NPAS3: variants seen among roughly 807,000 people sequenced by gnomAD.
NPAS3 encodes neuronal PAS domain protein 3, also known as neuronal PAS domain-containing protein 3.
Under a neutral mutation model 73.1 loss-of-function variants are expected in NPAS3, and 14 were observed. The ratio of observed to expected loss-of-function variants is 0.19; its 90% CI spans 0.13 to 0.30. NPAS3 has a LOEUF of 0.30. Among genes scored for constraint, NPAS3 ranks in the 10% least tolerant of loss-of-function variants. The pLI, the probability that NPAS3 is intolerant of heterozygous loss-of-function variation, is 1.00. For synonymous variants in NPAS3, 620 were observed against 541.5 expected (o/e 1.14, Z -2.01); for missense variants, 1,096 against 1,250.0 (o/e 0.88, Z 1.86).
chr14:33,675,217 T>C (rs1254032980), intron 5 of NPAS3, among the ~76,000 whole-genome samples: 1 of 152,136 alleles, frequency 6.6e-6, no homozygotes, highest in African/African-American at 2.4e-5. Flanking sequence ...TATCTCTCCC[T>C]GTTGTATGTG....
chr14:33,409,259 T>A (rs1005022077), intron 4 of NPAS3, among the ~76,000 whole-genome samples: 7 of 152,076 alleles, frequency 4.6e-5, no homozygotes, highest in African/African-American at 9.7e-5. Flanking sequence ...TGATTAGAGG[T>A]GCAGAAATAT....
At chr14:33,180,800 AAG>A (rs200356926) in intron 2 of NPAS3, among the ~76,000 whole-genome samples, 16,833 of 39,990 alleles carry the variant, frequency 0.42, 2,362 homozygotes, top group South Asian at 0.57. Flanking sequence ...CACTGTCTCC[AAG>A]AAAAAAAAAA....
chr14:32,986,827 T>G (rs1240147410), intron 1 of NPAS3, among the ~76,000 whole-genome samples: 3 of 152,210 alleles, frequency 2.0e-5, no homozygotes, highest in Non-Finnish European at 4.4e-5. Flanking sequence ...CTTTATTTTT[T>G]TTAAGGTGGA....
Position 33,653,665 on chromosome 14 carries a change from G to A in NPAS3, c.559-22546G>A, listed in dbSNP as rs74909783. On this transcript the variant is annotated intron_variant, in intron 5 of 11. Transcript: ENST00000356141. ...AGTTTTGAATTCAGTTCAGAGGGTC[G>A]TTGACACTGCCAAGGACTCACAATC... is the stretch of plus-strand genomic sequence containing the variant. Among the ~76,000 whole-genome samples the A allele has an allele frequency of 4.9e-3, 751 of 152,302 alleles. 5 individuals carry two copies. The highest frequency in any genetic ancestry group is 0.017 in the African/African-American group (713 of 41,572).
rs77463823 is a variant in NPAS3 at position 33,234,566 on chromosome 14, T to C, written c.385+19140T>C. Among the ~76,000 whole-genome samples the C allele has an allele frequency of 7.4e-3, 1,133 of 152,246 alleles. 8 individuals carry two copies. The highest frequency in any genetic ancestry group is 0.026 in the African/African-American group (1,082 of 41,554). On this transcript the variant is annotated intron_variant, in intron 3 of 11. Coordinates refer to ENST00000356141, the Ensembl canonical transcript of NPAS3. ...TCGTTAAGTCTGGCCAGTTCAGTTATATGAAACTAGAAATGAAATTAGAGA... is the reference window on the plus strand; with the variant it reads ...TCGTTAAGTCTGGCCAGTTCAGTTACATGAAACTAGAAATGAAATTAGAGA...
chr14:33,443,881 T>C (rs2049363849), intron 4 of NPAS3, among the ~76,000 whole-genome samples: 1 of 152,126 alleles, frequency 6.6e-6, no homozygotes, highest in African/African-American at 2.4e-5. Flanking sequence ...GTGTCAAGGG[T>C]GACTGAGACC....
chr14:33,520,663 T>C (rs1214064668), intron 4 of NPAS3, among the ~76,000 whole-genome samples: 1 of 152,114 alleles, frequency 6.6e-6, no homozygotes, highest in African/African-American at 2.4e-5. Context: ...TTTTCAGGAA[T>C]AAAAACAACA....
chr14:33,746,535 A>G (rs1188588245), intron 7 of NPAS3, among the ~76,000 whole-genome samples: 1 of 151,258 alleles, frequency 6.6e-6, no homozygotes, highest in Non-Finnish European at 1.5e-5. Context: ...TTATTAATAA[A>G]CTTATAGTTA....
intron 7 of NPAS3, among the ~76,000 whole-genome samples, chr14:33,753,085 T>C (rs1318264108): frequency 1.3e-5 from 2 of 152,190 alleles, no homozygotes; most frequent in African/African-American, 4.8e-5. Flanking sequence ...GAACAGTTCA[T>C]TAGTGTGCTT....
intron 6 of NPAS3, among the ~76,000 whole-genome samples, chr14:33,729,081 A>G (rs7150176): frequency 0.051 from 7,793 of 152,292 alleles, 311 homozygotes; most frequent in African/African-American, 0.11. Context: ...GACAACAAAA[A>G]ACAAGTTAAG....
At chr14:33,250,704 T>C (rs938799625) in intron 3 of NPAS3, among the ~76,000 whole-genome samples, 2 of 152,116 alleles carry the variant, frequency 1.3e-5, no homozygotes, top group South Asian at 2.1e-4. Flanking sequence ...TGAATGATCC[T>C]CTTTTTTTCC....
At chr14:33,507,760 A>G (rs1449276098) in intron 4 of NPAS3, among the ~76,000 whole-genome samples, 2 of 152,002 alleles carry the variant, frequency 1.3e-5, no homozygotes, top group African/African-American at 2.4e-5. Context: ...AAATATCAAG[A>G]GTTAATTTTT....
chr14:33,108,779 A>G (rs2138945144), intron 2 of NPAS3, among the ~76,000 whole-genome samples: 1 of 152,250 alleles, frequency 6.6e-6, no homozygotes, highest in East Asian at 1.9e-4. Flanking sequence ...AAATTCCAAT[A>G]ATTCAGTCTA....
intron 8 of NPAS3, among the ~76,000 whole-genome samples, chr14:33,776,839 G>A (rs1482721129): frequency 2.6e-5 from 4 of 151,900 alleles, no homozygotes; most frequent in Admixed American, 2.0e-4. Flanking sequence ...CTGGTCTGGT[G>A]CTTTTGAGAT....
At chr14:33,322,848 C>T (rs146184617) in intron 3 of NPAS3, among the ~76,000 whole-genome samples, 1 of 152,266 alleles carries the variant, frequency 6.6e-6, no homozygotes, top group East Asian at 1.9e-4. Flanking sequence ...TGGCATTCTA[C>T]TCTGACCATG....
intron 1 of NPAS3, among the ~76,000 whole-genome samples, chr14:33,040,250 A>G (rs1259709099): frequency 1.3e-5 from 2 of 152,168 alleles, no homozygotes; most frequent in Non-Finnish European, 2.9e-5. Context: ...GAATGGAGGA[A>G]TTTATTATTT....
chr14:33,384,666 G>A (rs1288741226), intron 4 of NPAS3, among the ~76,000 whole-genome samples: 1 of 152,158 alleles, frequency 6.6e-6, no homozygotes, highest in Non-Finnish European at 1.5e-5. Flanking sequence ...GGAGGTGGAG[G>A]TTGCAGTGGG....
intron 4 of NPAS3, among the ~76,000 whole-genome samples, chr14:33,503,632 T>C (rs1187698026): frequency 6.6e-6 from 1 of 151,942 alleles, no homozygotes; most frequent in East Asian, 1.9e-4. Flanking sequence ...CATATATAGT[T>C]TATTGAGCCT....
At position 33,023,862 on chromosome 14, in the gene NPAS3, C is replaced by G. The variant is rs865884713; in HGVS notation, c.51-32043C>G. Among the ~76,000 whole-genome samples the G allele has an allele frequency of 3.9e-5, 6 of 152,166 alleles. No individual in the cohort carries two copies. The Middle Eastern group carries it at 0.01, about 259-fold the overall frequency. On this transcript the variant is annotated intron_variant, in intron 1 of 11. Coordinates refer to ENST00000356141, the Ensembl canonical transcript of NPAS3. ...AGCCTGGCCTTATTATCCAGTGGGT[C>G]TCACATAGGCATACATTTAGATCAA...
Sources: allele counts gnomAD v4.1 joint callset (sites outside exome capture counted in the v4.1 genomes callset), GRCh38; gene constraint gnomAD v4.1.1; transcripts MANE v1.5; gene names NCBI Gene and HGNC (gene_info 2026-07-23, HGNC 2026-07-21).